WDR49: variants seen among roughly 807,000 people sequenced by gnomAD.
WDR49 encodes WD repeat domain 49.
A neutral mutation model predicts 119.5 loss-of-function variants in WDR49; 107 were observed. The ratio of observed to expected loss-of-function variants is 0.90; its 90% CI spans 0.77 to 1.05. WDR49 has a LOEUF of 1.05. Ranked by LOEUF, WDR49 falls within the 50% of genes least tolerant of loss-of-function variation. The pLI, the probability that WDR49 is intolerant of heterozygous loss-of-function variation, is 0.00. For synonymous variants in WDR49, 425 were observed against 418.8 expected (o/e 1.01, Z -0.18); for missense variants, 1,240 against 1,220.5 (o/e 1.02, Z -0.24).
chr3:167,525,948 C>T, intron 15 of WDR49, among the ~76,000 whole-genome samples: 1 of 151,512 alleles, frequency 6.6e-6, no homozygotes, highest in South Asian at 2.1e-4. Flanking sequence ...CTTCCCCACA[C>T]TCTTTGCTCT....
At chr3:167,559,179 T>C (rs1459945617) in intron 9 of WDR49, among the ~76,000 whole-genome samples, 1 of 152,206 alleles carries the variant, frequency 6.6e-6, no homozygotes, top group Admixed American at 6.5e-5. Flanking sequence ...TAGGATGTTC[T>C]ACCTACATAT....
At chr3:167,538,118 G>A (rs1418304077) in intron 10 of WDR49, among the ~76,000 whole-genome samples, 1 of 152,016 alleles carries the variant, frequency 6.6e-6, no homozygotes, top group Non-Finnish European at 1.5e-5. Flanking sequence ...AACTGGCTTA[G>A]AGATTTCATA....
At position 167,527,824 on chromosome 3, in the gene WDR49, C is replaced by A; in HGVS notation, c.2600G>T (p.Gly867Val). The change falls in exon 15 of 19, where the codon GGT (glycine) becomes GTT (valine). Residue 867 changes from glycine (G) to valine (V), a missense_variant. Transcript: ENST00000682715. ...ATAAAGAAGCAATATTTCTACCTGA[C>A]CAAAGATCCAAACAGGAGCATTGCA... is the stretch of plus-strand genomic sequence containing the variant. Reference protein sequence around the residue: ...GVCNAPVWIFGQAKHWHIENC... With the variant: ...GVCNAPVWIFVQAKHWHIENC... The A allele has an allele frequency of 6.2e-7, 1 of 1,611,926 alleles. No individual in the cohort carries two copies. The highest frequency in any genetic ancestry group is 8.5e-7 in the Non-Finnish European group (1 of 1,179,030).
chr3:167,588,379 A>C (rs1404895263), intron 7 of WDR49, among the ~76,000 whole-genome samples: 1 of 152,092 alleles, frequency 6.6e-6, no homozygotes, highest in African/African-American at 2.4e-5. Context: ...TTGCTTCCTA[A>C]TCTTGGCTAT....
intron 16 of WDR49, among the ~76,000 whole-genome samples, chr3:167,521,600 C>T (rs901618722): frequency 6.6e-6 from 1 of 152,234 alleles, no homozygotes; most frequent in Admixed American, 6.5e-5. Context: ...TTTCTTTTCT[C>T]ACATTGAACA....
At chr3:167,605,654 T>C (rs879704263) in intron 5 of WDR49, among the ~76,000 whole-genome samples, 1 of 152,208 alleles carries the variant, frequency 6.6e-6, no homozygotes, top group African/African-American at 2.4e-5. Context: ...AGTGTGACTT[T>C]CAGGGTTTAA....
At chr3:167,557,950 C>A (rs762218311) in intron 9 of WDR49, among the ~76,000 whole-genome samples, 2 of 152,042 alleles carry the variant, frequency 1.3e-5, no homozygotes, top group African/African-American at 2.4e-5. Context: ...GTATAGTAGG[C>A]TGCCATCAAG....
chr3:167,524,592 A>G (rs1752569483), intron 15 of WDR49, among the ~76,000 whole-genome samples: 2 of 152,196 alleles, frequency 1.3e-5, no homozygotes, highest in Middle Eastern at 3.2e-3. Context: ...ATAAGGTATA[A>G]GAAAGGGGTC....
intron 10 of WDR49, among the ~76,000 whole-genome samples, chr3:167,543,229 C>T (rs1405753155): frequency 6.6e-6 from 1 of 151,926 alleles, no homozygotes; most frequent in Non-Finnish European, 1.5e-5. Flanking sequence ...TAATTGGTAC[C>T]AATCTTACTG....
chr3:167,560,784 TA>T (rs60448205), intron 8 of WDR49, among the ~76,000 whole-genome samples: 45,728 of 135,474 alleles, frequency 0.34, 7,134 homozygotes, highest in South Asian at 0.37. Context: ...GATAGATTAC[TA>T]AAAAAAAAAA....
chr3:167,621,038 G>A (rs1305204819), intron 4 of WDR49, among the ~76,000 whole-genome samples: 2 of 152,004 alleles, frequency 1.3e-5, no homozygotes, highest in Admixed American at 1.3e-4. Flanking sequence ...TATGATACAG[G>A]CAATGAGCAC....
chr3:167,630,843 T>C (rs1360935931), intron 2 of WDR49, among the ~76,000 whole-genome samples: 1 of 152,118 alleles, frequency 6.6e-6, no homozygotes. Flanking sequence ...TTTAATATAT[T>C]GTTAATTAAT....
intron 4 of WDR49, 82 bp from the exon 5 acceptor site, chr3:167,620,685 G>T: frequency 7.7e-7 from 1 of 1,300,310 alleles, no homozygotes; most frequent in Non-Finnish European, 1.0e-6. Flanking sequence ...AGTTTAATAA[G>T]GAATAGCTAT....
chr3:167,595,324 C>A (rs1037985021), intron 7 of WDR49, among the ~76,000 whole-genome samples: 52 of 152,134 alleles, frequency 3.4e-4, no homozygotes, highest in Non-Finnish European at 6.6e-4. Flanking sequence ...ATGCCATCCC[C>A]ATCAAGCTAC....
At chr3:167,594,714 A>G (rs1715320294) in intron 7 of WDR49, among the ~76,000 whole-genome samples, 1 of 152,120 alleles carries the variant, frequency 6.6e-6, no homozygotes, top group Non-Finnish European at 1.5e-5. Flanking sequence ...GATGGGACAT[A>G]TCTCAAAATA....
chr3:167,649,343 C>T (rs1718269036), intron 2 of WDR49, among the ~76,000 whole-genome samples: 1 of 152,126 alleles, frequency 6.6e-6, no homozygotes, highest in African/African-American at 2.4e-5. Flanking sequence ...CCCAATCTGA[C>T]TTTCTATATT....
chr3:167,488,154 A>G (rs1750996097), intron 18 of WDR49, among the ~76,000 whole-genome samples: 1 of 103,540 alleles, frequency 9.7e-6, no homozygotes, highest in African/African-American at 6.3e-5. Flanking sequence ...AAACACACAC[A>G]CACACACACA....
At chr3:167,568,972 T>C (rs1261260443) in intron 8 of WDR49, among the ~76,000 whole-genome samples, 4 of 151,696 alleles carry the variant, frequency 2.6e-5, no homozygotes. Flanking sequence ...GACAAGAGTC[T>C]TGCTCTGTCG....
chr3:167,586,828 G>T (rs1714843848), intron 7 of WDR49, among the ~76,000 whole-genome samples: 1 of 152,140 alleles, frequency 6.6e-6, no homozygotes, highest in Non-Finnish European at 1.5e-5. Context: ...GTTTTTGGAA[G>T]AGGCCAGGTA....
Sources: gnomAD v4.1 joint callset for allele counts (sites outside exome capture counted in the v4.1 genomes callset) on GRCh38, gnomAD v4.1.1 for gene constraint, MANE v1.5 for transcripts, NCBI Gene and HGNC (gene_info 2026-07-23, HGNC 2026-07-21) for gene names.